The following JMJD1C variants were observed in gnomAD, a reference collection of about 807,000 sequenced individuals.
JMJD1C encodes jumonji domain-containing protein 1C.
Under a neutral mutation model 245.3 loss-of-function variants are expected in JMJD1C, and 31 were observed. That is an observed-to-expected ratio of 0.13 (90% CI 0.09 to 0.17). The LOEUF (loss-of-function observed/expected upper bound fraction) is 0.17. Among genes scored for constraint, JMJD1C ranks in the 10% least tolerant of loss-of-function variants. The pLI is 1.00. For synonymous variants in JMJD1C, 1,057 were observed against 1,017.4 expected (o/e 1.04, Z -0.74); for missense variants, 2,691 against 3,000.2 (o/e 0.90, Z 2.41).
rs1357001104 is a variant in JMJD1C, at chr10:63,337,589, AAAAG to A, written c.333+42725_333+42728del. On this transcript the variant is annotated intron_variant, in intron 2 of 25. Transcript: ENST00000399262. ...AAAAGAAAAGAAAAGAAAAGAAAAG[AAAAG>A]AAAAGAAAAGAAAAGAAAAGAAAAG... Among the ~76,000 whole-genome samples the A allele has an allele frequency of 7.6e-3, 798 of 105,248 alleles. 52 individuals are homozygous for A. Among genetic ancestry groups the A allele is most frequent in the African/African-American group, 0.037 (667 of 18,022 alleles). 69.0% of individuals were successfully genotyped at this position (105,248 alleles called of 152,430 possible).
At chr10:63,461,388 T>C in intron 1 of JMJD1C, among the ~76,000 whole-genome samples, 1 of 152,112 alleles carries the variant, frequency 6.6e-6, no homozygotes, top group East Asian at 1.9e-4. Flanking sequence ...ACAATATAAA[T>C]GTCAGACTGA....
At chr10:63,414,906 C>CAAAAAAAAA (rs751283631) in intron 1 of JMJD1C, among the ~76,000 whole-genome samples, 1 of 92,530 alleles carries the variant, frequency 1.1e-5, no homozygotes. Context: ...GACTCTATCT[C>CAAAAAAAAA]AAAAAAAAAA....
chr10:63,350,810 G>C (rs1589552994), intron 2 of JMJD1C, among the ~76,000 whole-genome samples: 1 of 151,492 alleles, frequency 6.6e-6, no homozygotes, highest in Admixed American at 6.6e-5. Flanking sequence ...TAGTAGAGAC[G>C]GGGTTTCACC....
chr10:63,439,589 G>C (rs1182820899), intron 1 of JMJD1C, among the ~76,000 whole-genome samples: 1 of 151,954 alleles, frequency 6.6e-6, no homozygotes, highest in Admixed American at 6.6e-5. Context: ...TATTTCTATT[G>C]AACCACCTCA....
intron 2 of JMJD1C, among the ~76,000 whole-genome samples, chr10:63,314,670 G>T (rs537945464): frequency 3.4e-5 from 5 of 148,228 alleles, no homozygotes; most frequent in African/African-American, 1.2e-4. Context: ...TATTTGAGAT[G>T]CGAGTTTCAC....
chr10:63,280,187 G>C (rs1857232382), intron 2 of JMJD1C, among the ~76,000 whole-genome samples: 1 of 152,112 alleles, frequency 6.6e-6, no homozygotes, highest in East Asian at 1.9e-4. Flanking sequence ...AAGATCATTT[G>C]AAGGAATGCT....
At chr10:63,225,888 A>G (rs1406180557) in intron 3 of JMJD1C, among the ~76,000 whole-genome samples, 7 of 152,008 alleles carry the variant, frequency 4.6e-5, no homozygotes, top group Non-Finnish European at 1.0e-4. Flanking sequence ...TGATATACAC[A>G]GTATGTTCAG....
chr10:63,402,347 T>C (rs1291658085), intron 1 of JMJD1C, among the ~76,000 whole-genome samples: 2 of 152,212 alleles, frequency 1.3e-5, no homozygotes, highest in African/African-American at 4.8e-5. Context: ...AAATAAACTT[T>C]CCACTTTCCC....
intron 3 of JMJD1C, among the ~76,000 whole-genome samples, chr10:63,227,058 A>T (rs150478330): frequency 1.3e-5 from 2 of 152,164 alleles, no homozygotes; most frequent in East Asian, 3.9e-4. Flanking sequence ...GCAGAGTGAG[A>T]CTCTCAAAGA....
At chr10:63,289,045 T>C (rs1320082369) in intron 2 of JMJD1C, among the ~76,000 whole-genome samples, 2 of 152,022 alleles carry the variant, frequency 1.3e-5, no homozygotes, top group East Asian at 3.8e-4. Context: ...TTGCAATAAA[T>C]TGATTTAATA....
At chr10:63,428,079 T>A (rs1038205654) in intron 1 of JMJD1C, 2 of 486,526 alleles carry the variant, frequency 4.1e-6, no homozygotes, top group African/African-American at 3.8e-5. Flanking sequence ...ATATATATAT[T>A]AAGACAGCTG....
At chr10:63,313,403 A>G (rs973245815) in intron 2 of JMJD1C, among the ~76,000 whole-genome samples, 5 of 152,188 alleles carry the variant, frequency 3.3e-5, no homozygotes, top group African/African-American at 1.2e-4. Flanking sequence ...TGCTTTGAAC[A>G]TGACTGTGCA....
At position 63,406,885 on chromosome 10, in the gene JMJD1C, GAAT is replaced by G. The variant is rs1330667988; in HGVS notation, c.169-26406_169-26404del. Among the ~76,000 whole-genome samples, 23 of 152,048 alleles carry G rather than the reference GAAT, an allele frequency of 1.5e-4. No homozygotes were observed. The East Asian group carries it at 4.4e-3, about 29-fold the overall frequency. On this transcript the variant is annotated intron_variant, in intron 1 of 25. Coordinates refer to ENST00000399262, the MANE Select transcript of JMJD1C (RefSeq NM_032776.3). ...TTGTGAAATGAATGTAGGACTCAAA[GAAT>G]AATAATTAACATGCTGGATGATGAG...
chr10:63,453,604 T>C (rs371449340), intron 1 of JMJD1C, among the ~76,000 whole-genome samples: 81 of 152,272 alleles, frequency 5.3e-4, no homozygotes, highest in African/African-American at 1.9e-3. Context: ...AACAAAGGCC[T>C]GATGCCAAAG....
At chr10:63,240,430 T>C (rs1396438687) in intron 3 of JMJD1C, among the ~76,000 whole-genome samples, 2 of 152,138 alleles carry the variant, frequency 1.3e-5, no homozygotes, top group Non-Finnish European at 2.9e-5. Context: ...CAGTGTTAAA[T>C]GCAAAGGTTC....
chr10:63,383,378 A>T (rs1947360723), intron 1 of JMJD1C, among the ~76,000 whole-genome samples: 1 of 152,198 alleles, frequency 6.6e-6, no homozygotes, highest in South Asian at 2.1e-4. Flanking sequence ...AAGTCAAGGA[A>T]GAAGCCAACA....
intron 1 of JMJD1C, among the ~76,000 whole-genome samples, chr10:63,404,497 A>C (rs1370115217): frequency 6.6e-6 from 1 of 152,164 alleles, no homozygotes; most frequent in Non-Finnish European, 1.5e-5. Flanking sequence ...CTTGTGCCTC[A>C]GCCTCCTGAG....
intron 2 of JMJD1C, among the ~76,000 whole-genome samples, chr10:63,270,230 G>A (rs905917481): frequency 2.6e-5 from 4 of 152,022 alleles, no homozygotes; most frequent in African/African-American, 9.7e-5. Context: ...GCAGTGGCAT[G>A]ATCTCAACTC....
At chr10:63,242,763 G>C (rs1250844741) in intron 3 of JMJD1C, among the ~76,000 whole-genome samples, 1 of 151,830 alleles carries the variant, frequency 6.6e-6, no homozygotes, top group Non-Finnish European at 1.5e-5. Context: ...TGAGTCTCTT[G>C]AAAGCACACA....
Sources: gnomAD v4.1 joint callset for allele counts (sites outside exome capture counted in the v4.1 genomes callset) on GRCh38, gnomAD v4.1.1 for gene constraint, MANE v1.5 for transcripts, NCBI Gene and HGNC (gene_info 2026-07-23, HGNC 2026-07-21) for gene names.